The following PPFIA2 variants were observed in gnomAD, a reference collection of about 807,000 sequenced individuals.
PPFIA2 encodes liprin-alpha-2.
A neutral mutation model predicts 175.5 loss-of-function variants in PPFIA2; 46 were observed. That is an observed-to-expected ratio of 0.26 (90% CI 0.21 to 0.34). The LOEUF (loss-of-function observed/expected upper bound fraction) is 0.34. Among genes scored for constraint, PPFIA2 ranks in the 10% least tolerant of loss-of-function variants. PPFIA2 has a pLI of 1.00. For missense variants in PPFIA2, 1,179 were observed against 1,506.1 expected (o/e 0.78, Z 3.60); for synonymous variants, 568 against 511.4 (o/e 1.11, Z -1.49).
chr12:81,341,263 T>G (rs2074347178), intron 19 of PPFIA2, 55 bp from the exon 20 acceptor site: 5 of 1,544,908 alleles, frequency 3.2e-6, no homozygotes, highest in Non-Finnish European at 4.4e-6. Context: ...CAGTTGAAAT[T>G]GACACAAATG....
intron 4 of PPFIA2, among the ~76,000 whole-genome samples, chr12:81,596,278 T>C (rs2059238462): frequency 6.6e-6 from 1 of 150,692 alleles, no homozygotes; most frequent in African/African-American, 2.4e-5. Flanking sequence ...GCTTTAAAAA[T>C]CTTCTTTCTC....
chr12:81,719,329 A>G (rs1015956826), intron 3 of PPFIA2, among the ~76,000 whole-genome samples: 8 of 151,584 alleles, frequency 5.3e-5, no homozygotes, highest in African/African-American at 1.9e-4. Context: ...TTTTCTTGAA[A>G]GAGAATTTCT....
At position 81,751,341 on chromosome 12, in the gene PPFIA2, G is replaced by T. The variant is rs377206325; in HGVS notation, c.249+2632C>A. On this transcript the variant is annotated intron_variant, in intron 3 of 32. Coordinates refer to ENST00000549396, the MANE Select transcript of PPFIA2 (RefSeq NM_003625.5). ...TCCATACACTCTGAAATTGATATTT[G>T]ATTTGTGAATATGTAATGAATTTGA... Among the ~76,000 whole-genome samples, 5 of 151,178 alleles carry T rather than the reference G, an allele frequency of 3.3e-5. No homozygotes were observed. In the East Asian group the frequency reaches 7.7e-4, roughly 23 times the overall value.
intron 5 of PPFIA2, among the ~76,000 whole-genome samples, chr12:81,450,456 G>A (rs1033695296): frequency 5.3e-5 from 8 of 152,082 alleles, no homozygotes; most frequent in African/African-American, 9.7e-5. Context: ...GTGTCTGTTC[G>A]TATCCTTCGC....
At position 81,689,166 on chromosome 12, in the gene PPFIA2, T is replaced by G. The variant is rs190551377; in HGVS notation, c.250-12322A>C. Reference sequence around the variant, plus strand: ...TAGCAACACTATCCAAAATCAGATATGCAAAATTTGTGAAAGGAAGTCTAA... The same window carrying G: ...TAGCAACACTATCCAAAATCAGATAGGCAAAATTTGTGAAAGGAAGTCTAA... On this transcript the variant is annotated intron_variant, in intron 3 of 32. Transcript: ENST00000549396. 2.6e-5 allele frequency among the ~76,000 whole-genome samples: 4 copies of G among 151,892 alleles called. No individual in the cohort carries two copies. The East Asian group carries it at 7.8e-4, about 29-fold the overall frequency.
Position 81,340,863 on chromosome 12 carries a change from T to C in PPFIA2, c.2393+215A>G, listed in dbSNP as rs151299653. 2.8e-3 allele frequency among the ~76,000 whole-genome samples: 424 copies of C among 152,180 alleles called. 1 individual carries two copies. The highest frequency in any genetic ancestry group is 9.8e-3 in the African/African-American group (408 of 41,550). On this transcript the variant is annotated intron_variant, in intron 20 of 32. Transcript: ENST00000549396. ...AGTTATTCTTATCTATATTGACCAA[T>C]AATAAGACCACAAAGATACAGTTAA...
intron 4 of PPFIA2, among the ~76,000 whole-genome samples, chr12:81,664,753 C>T (rs1315195918): frequency 6.6e-6 from 1 of 152,054 alleles, no homozygotes; most frequent in Admixed American, 6.5e-5. Flanking sequence ...TTTATTGCAG[C>T]ACTATTCACA....
chr12:81,262,876 A>G (rs1325112228), intron 31 of PPFIA2, among the ~76,000 whole-genome samples: 1 of 152,210 alleles, frequency 6.6e-6, no homozygotes, highest in Non-Finnish European at 1.5e-5. Flanking sequence ...ATTTCCATTT[A>G]CTATGGATCT....
intron 4 of PPFIA2, among the ~76,000 whole-genome samples, chr12:81,468,154 G>A (rs1186326398): frequency 6.6e-6 from 1 of 152,148 alleles, no homozygotes; most frequent in Non-Finnish European, 1.5e-5. Flanking sequence ...GAGAGAGGGA[G>A]GTCATCAGGA....
intron 8 of PPFIA2, among the ~76,000 whole-genome samples, chr12:81,385,859 C>CT (rs1387003718): frequency 1.3e-5 from 2 of 152,000 alleles, no homozygotes; most frequent in Non-Finnish European, 2.9e-5. Flanking sequence ...AGTGCTCTCA[C>CT]CACAAAAATG....
Position 81,433,984 on chromosome 12 carries a change from G to A in PPFIA2, c.645+5988C>T, listed in dbSNP as rs1432193953. ...GTGACATCTGAGCTTGAGCTTAAAT[G>A]AGGAAATATGTTTTCAATGAGTGAT... On this transcript the variant is annotated intron_variant, in intron 7 of 32. Coordinates refer to ENST00000549396, the MANE Select transcript of PPFIA2 (RefSeq NM_003625.5). Among the ~76,000 whole-genome samples the A allele has an allele frequency of 5.9e-5, 9 of 152,234 alleles. 1 individual carries two copies. The South Asian group carries it at 1.7e-3, about 28-fold the overall frequency.
chr12:81,585,244 G>C (rs1404640906), intron 4 of PPFIA2, among the ~76,000 whole-genome samples: 1 of 149,954 alleles, frequency 6.7e-6, no homozygotes. Context: ...GGACATTACT[G>C]TACACTACTG....
chr12:81,503,431 C>A (rs1258613060), intron 4 of PPFIA2, among the ~76,000 whole-genome samples: 1 of 151,756 alleles, frequency 6.6e-6, no homozygotes, highest in East Asian at 1.9e-4. Context: ...ATCATAAGAC[C>A]AAGTGGTTTA....
At chr12:81,712,796 T>G (rs1210235479) in intron 3 of PPFIA2, among the ~76,000 whole-genome samples, 1 of 150,746 alleles carries the variant, frequency 6.6e-6, no homozygotes, top group Non-Finnish European at 1.5e-5. Context: ...TCTTACGCTT[T>G]CAATTGTGCT....
At chr12:81,419,194 T>C (rs2045842263) in intron 7 of PPFIA2, among the ~76,000 whole-genome samples, 1 of 152,028 alleles carries the variant, frequency 6.6e-6, no homozygotes, top group Admixed American at 6.6e-5. Context: ...ATTAAGATTA[T>C]GATTTGTGCG....
intron 4 of PPFIA2, among the ~76,000 whole-genome samples, chr12:81,660,140 C>T (rs1310789386): frequency 6.6e-6 from 1 of 152,128 alleles, no homozygotes; most frequent in Non-Finnish European, 1.5e-5. Flanking sequence ...AATCAGAGCT[C>T]CTTTCCTCCT....
chr12:81,508,451 G>T (rs560146633), intron 4 of PPFIA2, among the ~76,000 whole-genome samples: 1 of 148,956 alleles, frequency 6.7e-6, no homozygotes, highest in East Asian at 2.0e-4. Flanking sequence ...AACCCAGGAG[G>T]CGGAAGTTGT....
chr12:81,264,226 T>C, intron 30 of PPFIA2, among the ~76,000 whole-genome samples: 1 of 152,212 alleles, frequency 6.6e-6, no homozygotes, highest in Middle Eastern at 3.2e-3. Context: ...CATTTTAGAA[T>C]GTAGCATAGC....
In PPFIA2 at chr12:81,642,712, ATGTAT is replaced by A. The variant is rs1256534963; in HGVS notation, c.303+34074_303+34078del. Among the ~76,000 whole-genome samples, 73 of 91,474 alleles carry A rather than the reference ATGTAT, an allele frequency of 8.0e-4. 30 individuals are homozygous for A. The highest frequency in any genetic ancestry group is 6.6e-3 in the East Asian group (19 of 2,886). 60.0% of individuals were successfully genotyped at this position (91,474 alleles called of 152,430 possible). Reference sequence around the variant, plus strand: ...TATATACATACATGTATATGTATGTATGTATTATATACATACATGTATATGTATGT... The same window carrying A: ...TATATACATACATGTATATGTATGTATATATACATACATGTATATGTATGT... On this transcript the variant is annotated intron_variant, in intron 4 of 32. Coordinates refer to ENST00000549396, the MANE Select transcript of PPFIA2 (RefSeq NM_003625.5).
Sources: allele counts gnomAD v4.1 joint callset (sites outside exome capture counted in the v4.1 genomes callset), GRCh38; gene constraint gnomAD v4.1.1; transcripts MANE v1.5; gene names NCBI Gene and HGNC (gene_info 2026-07-23, HGNC 2026-07-21).